PCDHGA5: variants seen among roughly 807,000 people sequenced by gnomAD.
PCDHGA5 encodes protocadherin gamma subfamily A, 5, also known as protocadherin gamma-A5.
A neutral mutation model predicts 56.7 loss-of-function variants in PCDHGA5; 36 were observed. That is an observed-to-expected ratio of 0.64 (90% CI 0.49 to 0.84). The LOEUF is 0.84. Ranked by LOEUF, PCDHGA5 falls within the 40% of genes least tolerant of loss-of-function variation. The pLI is 0.00. For missense variants in PCDHGA5, 1,305 were observed against 1,201.5 expected (o/e 1.09, Z -1.27); for synonymous variants, 563 against 520.2 (o/e 1.08, Z -1.12).
chr5:141,418,282 A>C, intron 1 of PCDHGA5: 1 of 1,614,030 alleles, frequency 6.2e-7, no homozygotes, highest in Non-Finnish European at 8.5e-7. Flanking sequence ...TAAACTTAGA[A>C]ATCAGTGAAT....
Position 141,510,960 on chromosome 5 carries a change from G to T in PCDHGA5, c.2583G>T (p.Gly861=). The T allele has an allele frequency of 6.2e-7, 1 of 1,614,120 alleles. No individual in the cohort carries two copies. The highest frequency in any genetic ancestry group is 1.3e-5 in the African/African-American group (1 of 75,022). ...ILASASEAAD[G]SSTLGGGAGT... is the part of the protein sequence containing the mutation. ...CTGTCTCTGCAGAAGCTGCTGATGG[G>T]AGCTCCACCCTGGGAGGGGGTGCCG... Residue 861 remains glycine, a synonymous_variant, in exon 4 of 4, where the codon GGG becomes GGT. Transcript: ENST00000518069.
intron 2 of PCDHGA5, 107 bp from the exon 3 acceptor site, chr5:141,505,286 A>T: frequency 3.2e-6 from 5 of 1,551,278 alleles, no homozygotes; most frequent in Non-Finnish European, 4.4e-6. Flanking sequence ...GGTCTTGGGC[A>T]TGGGGTAGGG....
chr5:141,389,905 C>T (rs1254194844), intron 1 of PCDHGA5: 1 of 1,613,984 alleles, frequency 6.2e-7, no homozygotes, highest in Non-Finnish European at 8.5e-7. Flanking sequence ...CCGGATATCA[C>T]TGACCGCCCC....
At chr5:141,440,763 T>A (rs2098198978) in intron 1 of PCDHGA5, 1 of 152,138 alleles carries the variant, frequency 6.6e-6, no homozygotes, top group Admixed American at 6.6e-5. Flanking sequence ...AGAGCTCCCA[T>A]CCCTTAGTGC....
chr5:141,388,254 G>A, intron 1 of PCDHGA5: 2 of 1,568,962 alleles, frequency 1.3e-6, no homozygotes, highest in South Asian at 1.1e-5. Context: ...TGTGGAGATC[G>A]AGGACATTAA....
In PCDHGA5 at chr5:141,388,444, A is replaced by G. The variant is rs1034138913; in HGVS notation, c.2421+21693A>G. 28 of 1,613,890 alleles carry G rather than the reference A, an allele frequency of 1.7e-5. No individual in the cohort carries two copies. Among genetic ancestry groups the G allele is most frequent in the Non-Finnish European group, 2.4e-5 (28 of 1,179,886 alleles). Reference sequence around the variant, plus strand: ...TCACTGATAAATAAAGAGAAATCAGATGGCAGTAAATACCCTGAGATGGTA... The same window carrying G: ...TCACTGATAAATAAAGAGAAATCAGGTGGCAGTAAATACCCTGAGATGGTA... On this transcript the variant is annotated intron_variant, in intron 1 of 3. Transcript: ENST00000518069.
At chr5:141,419,172 T>A in intron 1 of PCDHGA5, 1 of 1,613,914 alleles carries the variant, frequency 6.2e-7, no homozygotes, top group Non-Finnish European at 8.5e-7. Context: ...AGCAAAACCA[T>A]AACCCTGCAC....
chr5:141,418,730 G>GT, intron 1 of PCDHGA5: 1 of 1,613,952 alleles, frequency 6.2e-7, no homozygotes, highest in Non-Finnish European at 8.5e-7. Context: ...AGCTCAGCAC[G>GT]TGTTCTCTCT....
At chr5:141,464,685 C>A (rs1283627323) in intron 1 of PCDHGA5, among the ~76,000 whole-genome samples, 1 of 152,006 alleles carries the variant, frequency 6.6e-6, no homozygotes, top group Non-Finnish European at 1.5e-5. Flanking sequence ...ATTAAAATTT[C>A]TCTTATTATG....
At position 141,489,063 on chromosome 5, in the gene PCDHGA5, C is replaced by A; in HGVS notation, c.2422-5744C>A. ...CTCCACTCAAATTCAGCTCCCCTCC[C>A]CCCTGCCCACCCCCGCCACTCGGTG... On this transcript the variant is annotated intron_variant, in intron 1 of 3. Coordinates refer to ENST00000518069, the MANE Select transcript of PCDHGA5 (RefSeq NM_018918.3). This position sits in a 1 kb window ranked among gnomAD's most constrained non-coding sequence, Gnocchi z 4.5. 2.6e-6 allele frequency: 1 copy of A among 384,986 alleles called. No individual in the cohort carries two copies. Among genetic ancestry groups the A allele is most frequent in the East Asian group, 4.5e-5 (1 of 22,374 alleles). 23.8% of individuals were successfully genotyped at this position (384,986 alleles called of 1,614,324 possible). A position where few individuals can be genotyped will look rare whatever the true frequency, so the allele number is the denominator to read the frequency against.
chr5:141,430,924 G>A (rs1217400258), intron 1 of PCDHGA5: 1 of 1,607,462 alleles, frequency 6.2e-7, no homozygotes, highest in Admixed American at 1.7e-5. Context: ...TGGGGCTGGA[G>A]CCCCGGGAGC....
intron 1 of PCDHGA5, chr5:141,411,436 T>C (rs2095489663): frequency 6.7e-6 from 1 of 149,586 alleles, no homozygotes; most frequent in South Asian, 2.1e-4. Flanking sequence ...AAAAAAACAT[T>C]AGCAGAGTGT....
chr5:141,373,718 CA>C, intron 1 of PCDHGA5, among the ~76,000 whole-genome samples: 1 of 152,310 alleles, frequency 6.6e-6, no homozygotes, highest in East Asian at 1.9e-4. Context: ...TAATCTCTTA[CA>C]CTCTTCTAAA....
In PCDHGA5 at chr5:141,365,848, C is replaced by A; in HGVS notation, c.1518C>A (p.Ser506=). 1 of 1,614,008 alleles carries A rather than the reference C, an allele frequency of 6.2e-7. No individual in the cohort carries two copies. The highest frequency in any genetic ancestry group is 8.5e-7 in the Non-Finnish European group (1 of 1,179,892). The change falls in exon 1 of 4, where the codon TCC becomes TCA. Residue 506 remains serine (S), a synonymous_variant. Transcript: ENST00000518069. ...GGGCGCCCTTGTCCTCCTATGTATC[C>A]ATTAACTCTGACACCGGTGTCCTGT... ...FQGAPLSSYV[S]INSDTGVLYA...
intron 1 of PCDHGA5, among the ~76,000 whole-genome samples, chr5:141,396,827 T>G (rs1339802094): frequency 6.6e-6 from 1 of 152,218 alleles, no homozygotes; most frequent in East Asian, 1.9e-4. Flanking sequence ...TGGTGCATAT[T>G]CAGTGGAGTG....
At chr5:141,408,894 C>A (rs778126197) in intron 1 of PCDHGA5, 1 of 1,613,304 alleles carries the variant, frequency 6.2e-7, no homozygotes, top group East Asian at 2.2e-5. Flanking sequence ...ATAGAAATTT[C>A]TGTCAAGGAT....
At chr5:141,428,600 C>T (rs2097150405) in intron 1 of PCDHGA5, 1 of 223,920 alleles carries the variant, frequency 4.5e-6, no homozygotes, top group African/African-American at 2.3e-5. Flanking sequence ...GCAAGCTTCA[C>T]TGAAGAGAAT....
At chr5:141,462,540 TTTC>T (rs2099042260) in intron 1 of PCDHGA5, among the ~76,000 whole-genome samples, 1 of 152,204 alleles carries the variant, frequency 6.6e-6, no homozygotes, top group East Asian at 1.9e-4. Flanking sequence ...TCAGTGATCT[TTTC>T]TTCTTCAGTG....
chr5:141,456,122 C>A (rs1411002229), intron 1 of PCDHGA5, among the ~76,000 whole-genome samples: 1 of 152,176 alleles, frequency 6.6e-6, no homozygotes, highest in East Asian at 1.9e-4. Context: ...TGGTCTCCAT[C>A]TCCTGACCTC....
Sources: gnomAD v4.1 joint callset for allele counts (sites outside exome capture counted in the v4.1 genomes callset) on GRCh38, gnomAD v4.1.1 for gene constraint, Gnocchi (gnomAD v3.1) non-coding constraint, MANE v1.5 for transcripts, NCBI Gene and HGNC (gene_info 2026-07-23, HGNC 2026-07-21) for gene names.